The following RALGAPA2 variants were observed in gnomAD, a reference collection of about 807,000 sequenced individuals.
The protein encoded by RALGAPA2 is ral GTPase-activating protein subunit alpha-2.
RALGAPA2 carries 139 observed loss-of-function variants against 230.4 expected under a neutral mutation model. That is an observed-to-expected ratio of 0.60 (90% CI 0.53 to 0.69). RALGAPA2 has a LOEUF of 0.69. Ranked by LOEUF, RALGAPA2 falls within the 30% of genes least tolerant of loss-of-function variation. RALGAPA2 has a pLI of 0.00. For missense variants in RALGAPA2, 2,163 were observed against 2,276.0 expected, an observed-to-expected ratio of 0.95 and a Z score of 1.01; for synonymous variants, 847 against 837.8, an observed-to-expected ratio of 1.01 and a Z score of -0.19.
At chr20:20,415,350 C>G (rs2060145145) in intron 37 of RALGAPA2, among the ~76,000 whole-genome samples, 1 of 152,230 alleles carries the variant, frequency 6.6e-6, no homozygotes, top group Admixed American at 6.5e-5. Context: ...ATCCCTGTTT[C>G]AATACTAGCC....
intron 26 of RALGAPA2, among the ~76,000 whole-genome samples, chr20:20,533,909 C>T (rs1314302194): frequency 6.6e-6 from 1 of 151,686 alleles, no homozygotes; most frequent in African/African-American, 2.4e-5. Flanking sequence ...AATTAATATA[C>T]TAAATATATA....
At position 20,524,423 on chromosome 20, in the gene RALGAPA2, G is replaced by T; in HGVS notation, c.3883C>A (p.Leu1295Met). 1 of 1,613,642 alleles carries T rather than the reference G, an allele frequency of 6.2e-7. No homozygotes were observed. The part of the protein sequence containing the change: ...EEQHSARAPL[L>M]DYIYRVLHCC... The stretch of plus-strand genomic sequence containing the variant: ...AGACTCACCCTGTAGATATAATCCA[G>T]CAAGGGGGCTCTGGCCGAATGCTGC... Residue 1295 changes from leucine to methionine, a missense_variant, in exon 30 of 40, where the codon CTG becomes ATG. Physicochemically the swap from Leu to Met is conservative, Grantham distance 15. Coordinates refer to ENST00000202677, the MANE Select transcript of RALGAPA2 (RefSeq NM_020343.4).
rs373592049 is a variant in RALGAPA2, at chr20:20,523,961, TA to T, written c.3900+444del. ...TTCTGCTTTCAGTCCTTAAGTTATT[TA>T]CTTTTTTGGGGGGGGATGGAGTCTC... is the stretch of plus-strand genomic sequence containing the variant. On this transcript the variant is annotated intron_variant, in intron 30 of 39. Transcript: ENST00000202677. 1.8e-3 allele frequency among the ~76,000 whole-genome samples: 274 copies of T among 152,224 alleles called. 1 individual carries two copies. The highest frequency in any genetic ancestry group is 6.4e-3 in the African/African-American group (267 of 41,478).
chr20:20,689,457 C>A (rs1418649037), intron 1 of RALGAPA2, among the ~76,000 whole-genome samples: 1 of 152,172 alleles, frequency 6.6e-6, no homozygotes, highest in Non-Finnish European at 1.5e-5. Context: ...TCCTGGCCAA[C>A]ATGGTGAAAC....
intron 23 of RALGAPA2, among the ~76,000 whole-genome samples, chr20:20,551,770 GTGT>G (rs1433354016): frequency 6.6e-5 from 10 of 152,212 alleles, no homozygotes; most frequent in Non-Finnish European, 1.2e-4. Context: ...ATTTTGCATA[GTGT>G]TGTTTCTTTC....
At chr20:20,640,056 C>T (rs1296166949) in intron 6 of RALGAPA2, among the ~76,000 whole-genome samples, 156 bp from the exon 7 acceptor site, 13 of 152,208 alleles carry the variant, frequency 8.5e-5, no homozygotes, top group Non-Finnish European at 1.9e-4. Flanking sequence ...CATAAAGGGC[C>T]TGGAAACACA....
chr20:20,680,972 C>G (rs1027102561), intron 1 of RALGAPA2, among the ~76,000 whole-genome samples, 171 bp from the exon 2 acceptor site: 3 of 152,218 alleles, frequency 2.0e-5, no homozygotes, highest in Non-Finnish European at 4.4e-5. Flanking sequence ...AGAGTTCTTA[C>G]TTGAACCTTG....
At chr20:20,409,760 C>T (rs975955513) in intron 38 of RALGAPA2, among the ~76,000 whole-genome samples, 2 of 152,208 alleles carry the variant, frequency 1.3e-5, no homozygotes, top group African/African-American at 4.8e-5. Flanking sequence ...CGAAAACGTG[C>T]TTGTCTATGG....
At chr20:20,607,610 T>C (rs1028376530) in intron 14 of RALGAPA2, among the ~76,000 whole-genome samples, 7 of 152,200 alleles carry the variant, frequency 4.6e-5, no homozygotes, top group African/African-American at 1.7e-4. Context: ...ATTAGATCAA[T>C]AAATATAATC....
intron 4 of RALGAPA2, among the ~76,000 whole-genome samples, chr20:20,647,952 T>C (rs1310894825): frequency 6.6e-6 from 1 of 152,176 alleles, no homozygotes; most frequent in African/African-American, 2.4e-5. Context: ...AGTCTAGTAG[T>C]TAAACATACA....
intron 14 of RALGAPA2, 111 bp from the exon 15 acceptor site, chr20:20,605,523 G>A (rs2065793395): frequency 2.3e-6 from 2 of 855,368 alleles, no homozygotes; most frequent in South Asian, 1.9e-5. Flanking sequence ...AAAATAAAAA[G>A]TACTTTTGGA....
At chr20:20,435,636 C>T (rs140272637) in intron 37 of RALGAPA2, among the ~76,000 whole-genome samples, 38 of 152,284 alleles carry the variant, frequency 2.5e-4, no homozygotes, top group Non-Finnish European at 4.3e-4. Flanking sequence ...GGAGCATGTG[C>T]GTCTCTCCAC....
intron 23 of RALGAPA2, among the ~76,000 whole-genome samples, chr20:20,558,139 G>A (rs2064143126): frequency 1.3e-5 from 2 of 152,116 alleles, no homozygotes; most frequent in African/African-American, 4.8e-5. Context: ...CAAGTAGCTG[G>A]GATTACAGGC....
At chr20:20,590,206 G>C (rs2065247306) in intron 17 of RALGAPA2, among the ~76,000 whole-genome samples, 1 of 151,636 alleles carries the variant, frequency 6.6e-6, no homozygotes, top group African/African-American at 2.4e-5. Flanking sequence ...CACATTTCTT[G>C]AACTTATTCC....
intron 16 of RALGAPA2, among the ~76,000 whole-genome samples, chr20:20,600,766 C>T (rs1016884445): frequency 2.0e-5 from 3 of 152,104 alleles, no homozygotes; most frequent in Non-Finnish European, 4.4e-5. Flanking sequence ...TATTAAATGC[C>T]GTATACAAGC....
rs1339550363 is a variant in RALGAPA2, at chr20:20,601,802, A to G, written c.2083T>C (p.Phe695Leu). 1 of 1,613,260 alleles carries G rather than the reference A, an allele frequency of 6.2e-7. No individual in the cohort carries two copies. The highest frequency in any genetic ancestry group is 1.1e-5 in the South Asian group (1 of 90,982). ...GGGTGGCTCCGCCAGCTGAGAGAAA[A>G]GGACCTCCCCACGGTGGTTCCTTTC... ...PQKGTTVGRSFSLSWRSHPDV... is the reference protein window; with the variant it reads ...PQKGTTVGRSLSLSWRSHPDV... The change falls in exon 16 of 40, where the codon TTT becomes CTT. Residue 695 changes from phenylalanine to leucine, a missense_variant. Physicochemically the swap from Phe to Leu is conservative, Grantham distance 22 (BLOSUM62 0). Transcript: ENST00000202677.
intron 15 of RALGAPA2, 45 bp downstream of exon 15, chr20:20,605,130 C>T (rs2146237725): frequency 6.7e-7 from 1 of 1,495,240 alleles, no homozygotes; most frequent in Non-Finnish European, 9.2e-7. Flanking sequence ...ACACACTCGT[C>T]CCCAGTCCTA....
intron 3 of RALGAPA2, among the ~76,000 whole-genome samples, chr20:20,662,037 T>C (rs2067799069): frequency 6.6e-6 from 1 of 152,202 alleles, no homozygotes; most frequent in African/African-American, 2.4e-5. Context: ...ACACACACTA[T>C]CTTTGAGAAA....
intron 36 of RALGAPA2, among the ~76,000 whole-genome samples, chr20:20,486,016 G>A (rs888427157): frequency 1.3e-5 from 2 of 152,078 alleles, no homozygotes; most frequent in Non-Finnish European, 2.9e-5. Flanking sequence ...GTGTGTGCCT[G>A]TAGTCCCAGC....
Sources: allele counts gnomAD v4.1 joint callset (sites outside exome capture counted in the v4.1 genomes callset), GRCh38; gene constraint gnomAD v4.1.1; transcripts MANE v1.5; gene names NCBI Gene and HGNC (gene_info 2026-07-23, HGNC 2026-07-21).